TP63: variants seen among roughly 807,000 people sequenced by gnomAD.
TP63 encodes the protein tumor protein 63.
Under a neutral mutation model 82.8 loss-of-function variants are expected in TP63, and 17 were observed. That is an observed-to-expected ratio of 0.21 (90% CI 0.14 to 0.31). The LOEUF (loss-of-function observed/expected upper bound fraction) is 0.31. Among genes scored for constraint, TP63 ranks in the 10% least tolerant of loss-of-function variants. The probability of loss-of-function intolerance (pLI) is 1.00; values close to 1 mark genes in which losing one functional copy is unlikely to be tolerated. For missense variants in TP63, 648 were observed against 895.3 expected (o/e 0.72, Z 3.52); for synonymous variants, 330 against 321.7 (o/e 1.03, Z -0.28).
chr3:189,724,033 C>G (rs1719589493), intron 1 of TP63, among the ~76,000 whole-genome samples: 1 of 92,088 alleles, frequency 1.1e-5, no homozygotes, highest in African/African-American at 4.2e-5. Flanking sequence ...TTTTTTGTCT[C>G]ATTGTTGCAA....
the TP63 span, among the ~76,000 whole-genome samples, chr3:189,619,717 C>T: frequency 2.6e-5 from 4 of 152,178 alleles, no homozygotes; most frequent in African/African-American, 9.7e-5. Flanking sequence ...GCACTGTTCC[C>T]ACCATAACTG....
At chr3:189,616,519 A>G in the TP63 span, among the ~76,000 whole-genome samples, 1 of 152,260 alleles carries the variant, frequency 6.6e-6, no homozygotes, top group South Asian at 2.1e-4. Flanking sequence ...GACCTTTTCT[A>G]CCTCCTTCAT....
intron 4 of TP63, among the ~76,000 whole-genome samples, chr3:189,830,992 A>G (rs907512263): frequency 1.3e-5 from 2 of 152,230 alleles, no homozygotes; most frequent in African/African-American, 4.8e-5. Context: ...GAAAAACACC[A>G]AAGTTCCTCT....
At chr3:189,759,653 G>A (rs1170338762) in intron 3 of TP63, among the ~76,000 whole-genome samples, 1 of 152,156 alleles carries the variant, frequency 6.6e-6, no homozygotes, top group Non-Finnish European at 1.5e-5. Flanking sequence ...TTTCTAATTG[G>A]CAACTGTTTA....
chr3:189,840,119 G>GT (rs1368683812), intron 4 of TP63, among the ~76,000 whole-genome samples: 3 of 152,164 alleles, frequency 2.0e-5, no homozygotes, highest in Non-Finnish European at 4.4e-5. Context: ...TACATCAAGC[G>GT]TAAGTCTTAT....
intron 1 of TP63, among the ~76,000 whole-genome samples, chr3:189,652,005 G>A (rs1031129409): frequency 3.4e-5 from 5 of 146,966 alleles, no homozygotes; most frequent in Admixed American, 3.3e-4. Context: ...CTGGATGTCC[G>A]AGCAGAAGTT....
chr3:189,667,758 A>C (rs1714529379), intron 1 of TP63, among the ~76,000 whole-genome samples: 1 of 152,140 alleles, frequency 6.6e-6, no homozygotes, highest in Non-Finnish European at 1.5e-5. Flanking sequence ...TGAGACATCA[A>C]GAAGTTCATT....
In TP63 at chr3:189,869,412, T is replaced by C. The variant is rs192529873; in HGVS notation, c.1212+6T>C. ...ATGAACTGTTATACTTACCAGTAGG[T>C]CTTCCTTGGGTGTTCATGGTTGCTT... On this transcript the variant is annotated splice_donor_region_variant and intron_variant, in intron 9 of 13. Transcript: ENST00000264731. The C allele has an allele frequency of 4.3e-6, 7 of 1,613,120 alleles. No individual in the cohort carries two copies. In the African/African-American group the frequency reaches 8.0e-5, roughly 18 times the overall value.
chr3:189,605,154 C>T, the TP63 span, among the ~76,000 whole-genome samples: 2 of 152,150 alleles, frequency 1.3e-5, no homozygotes, highest in African/African-American at 4.8e-5. Flanking sequence ...GCATAATTTC[C>T]TACAAATACA....
chr3:189,635,843 A>C (rs1729743805), intron 1 of TP63, among the ~76,000 whole-genome samples: 1 of 152,094 alleles, frequency 6.6e-6, no homozygotes, highest in South Asian at 2.1e-4. Flanking sequence ...GTATGCCATG[A>C]TGTTGTTTAT....
intron 3 of TP63, among the ~76,000 whole-genome samples, chr3:189,764,772 C>T (rs1196799753): frequency 6.6e-6 from 1 of 152,150 alleles, no homozygotes; most frequent in African/African-American, 2.4e-5. Context: ...ACCACACACT[C>T]TTGAAGAGGT....
intron 4 of TP63, among the ~76,000 whole-genome samples, chr3:189,823,651 G>A (rs1164036565): frequency 6.6e-6 from 1 of 152,160 alleles, no homozygotes; most frequent in African/African-American, 2.4e-5. Flanking sequence ...GAGCAGGTCT[G>A]TCCTAAAGGC....
In TP63 at chr3:189,631,390, T is replaced by C. The variant is rs887261224; in HGVS notation, c.-126T>C. On this transcript the variant is annotated 5_prime_UTR_variant, in exon 1 of 14. Coordinates refer to ENST00000264731, the MANE Select transcript of TP63 (RefSeq NM_003722.5). ...TGAAGGAGAGAAGTGCCTAAACTTCTATGTCTGATAGCATTTGACCCTATT... is the reference window on the plus strand; with the variant it reads ...TGAAGGAGAGAAGTGCCTAAACTTCCATGTCTGATAGCATTTGACCCTATT... The C allele has an allele frequency of 2.3e-5, 36 of 1,556,334 alleles. No individual in the cohort carries two copies. The Middle Eastern group carries it at 5.2e-4, about 22-fold the overall frequency.
chr3:189,808,601 C>T, intron 4 of TP63, 75 bp downstream of exon 4: 6 of 1,604,264 alleles, frequency 3.7e-6, no homozygotes, highest in African/African-American at 2.7e-5. Context: ...AGGGATTTCT[C>T]CCCCTTCCCA....
chr3:189,677,333 TATATATATAA>T lies in TP63; in HGVS notation c.62+45770_62+45779del, dbSNP rs1252694245. Among the ~76,000 whole-genome samples, 224 of 142,486 alleles carry T rather than the reference TATATATATAA, an allele frequency of 1.6e-3. 1 individual carries two copies. The highest frequency in any genetic ancestry group is 5.8e-3 in the African/African-American group (210 of 36,270). The allele number at this position is 142,486 out of a possible 152,430, so 93.5% of individuals were successfully genotyped here. ...TATATTCTATATACACACACATATT[TATATATATAA>T]ATATATATAAATAATTATATATTTA... On this transcript the variant is annotated intron_variant, in intron 1 of 13. Transcript: ENST00000264731.
At chr3:189,857,709 C>T (rs557124876) in intron 4 of TP63, among the ~76,000 whole-genome samples, 8 of 152,112 alleles carry the variant, frequency 5.3e-5, no homozygotes, top group African/African-American at 1.4e-4. Context: ...GCCAAAAGAC[C>T]GGAATGGATA....
intron 3 of TP63, 78 bp from the exon 4 acceptor site, chr3:189,808,194 C>T: frequency 3.7e-6 from 6 of 1,612,586 alleles, no homozygotes; most frequent in Non-Finnish European, 5.1e-6. Context: ...AGAATGCATT[C>T]ACCCATGGAT....
intron 1 of TP63, among the ~76,000 whole-genome samples, chr3:189,694,458 T>C (rs372831066): frequency 6.6e-6 from 1 of 152,174 alleles, no homozygotes; most frequent in Non-Finnish European, 1.5e-5. Flanking sequence ...CCCTTGGCTG[T>C]GATATTTTCT....
chr3:189,608,687 A>T, the TP63 span, among the ~76,000 whole-genome samples: 1 of 152,134 alleles, frequency 6.6e-6, no homozygotes, highest in Non-Finnish European at 1.5e-5. Flanking sequence ...AAGTTATTTT[A>T]CCCTAGGTTT....
Sources: allele counts gnomAD v4.1 joint callset (sites outside exome capture counted in the v4.1 genomes callset), GRCh38; gene constraint gnomAD v4.1.1; transcripts MANE v1.5; gene names NCBI Gene and HGNC (gene_info 2026-07-23, HGNC 2026-07-21).